ACSL6: variants seen among roughly 807,000 people sequenced by gnomAD.
ACSL6 encodes the protein acyl-CoA synthetase long chain family member 6.
In ACSL6, 47 loss-of-function variants were observed where a neutral mutation model predicts 98.2. The observed-to-expected ratio is 0.48, with a 90% CI of 0.38 to 0.61. ACSL6 has a LOEUF of 0.61. Among genes scored for constraint, ACSL6 ranks in the 20% least tolerant of loss-of-function variants. The pLI, the probability that ACSL6 is intolerant of heterozygous loss-of-function variation, is 0.00. For synonymous variants in ACSL6, 362 were observed against 336.9 expected, an observed-to-expected ratio of 1.07 and a Z score of -0.82; for missense variants, 761 against 913.4, an observed-to-expected ratio of 0.83 and a Z score of 2.15.
rs1752223414 is a variant in ACSL6, at chr5:131,952,923, C to T, written c.*1311G>A. 4.7e-6 allele frequency: 1 copy of T among 214,184 alleles called. No individual in the cohort carries two copies. The allele number at this position is 214,184 out of a possible 1,614,324, so 13.3% of individuals were successfully genotyped here. A position where few individuals can be genotyped will look rare whatever the true frequency, so the allele number is the denominator to read the frequency against. ...CCCTGGAAATAATGTCCCCTCCTTCCCACCTTCTGCCTTGATATTCTTACT... is the reference window on the plus strand; with the variant it reads ...CCCTGGAAATAATGTCCCCTCCTTCTCACCTTCTGCCTTGATATTCTTACT... On this transcript the variant is annotated 3_prime_UTR_variant, in exon 21 of 21. Transcript: ENST00000651883.
intron 17 of ACSL6, among the ~76,000 whole-genome samples, chr5:131,966,039 G>A (rs555246023): frequency 1.9e-4 from 29 of 152,172 alleles, no homozygotes; most frequent in Non-Finnish European, 3.2e-4. Flanking sequence ...TTTTGGCTGC[G>A]GGCCAGCATT....
intron 15 of ACSL6, among the ~76,000 whole-genome samples, chr5:131,969,787 A>G (rs1753205992): frequency 6.6e-6 from 1 of 152,132 alleles, no homozygotes; most frequent in African/African-American, 2.4e-5. Context: ...GGCAACCTCA[A>G]AAAGGAACAG....
In ACSL6 at chr5:131,959,731, C is replaced by G. The variant is rs943646012; in HGVS notation, c.1960-124G>C. 6 of 851,986 alleles carry G rather than the reference C, an allele frequency of 7.0e-6. No individual in the cohort carries two copies. In the East Asian group the frequency reaches 1.3e-4, roughly 18 times the overall value. 52.8% of individuals were successfully genotyped at this position (851,986 alleles called of 1,614,324 possible). A position where few individuals can be genotyped will look rare whatever the true frequency, so the allele number is the denominator to read the frequency against. On this transcript the variant is annotated intron_variant, in intron 19 of 20. Transcript: ENST00000651883. Reference sequence around the variant, plus strand: ...TGCCAACATGTGCTAACCCACAGCCCGCAACTGAGGCTGATACTCCCTGGC... The same window carrying G: ...TGCCAACATGTGCTAACCCACAGCCGGCAACTGAGGCTGATACTCCCTGGC...
chr5:131,996,515 A>C (rs1267384989), intron 1 of ACSL6, among the ~76,000 whole-genome samples: 1 of 152,194 alleles, frequency 6.6e-6, no homozygotes, highest in Non-Finnish European at 1.5e-5. Context: ...TGACTTAATG[A>C]TATGAGAAGC....
intron 1 of ACSL6, among the ~76,000 whole-genome samples, chr5:131,997,221 A>C (rs1157152102): frequency 3.3e-5 from 5 of 152,216 alleles, no homozygotes; most frequent in Non-Finnish European, 7.3e-5. Flanking sequence ...CTTTTCCTAC[A>C]CACTGTACTG....
At chr5:131,983,920 A>G (rs898904348) in intron 9 of ACSL6, 2 of 152,308 alleles carry the variant, frequency 1.3e-5, no homozygotes, top group East Asian at 3.8e-4. Context: ...TCCAAGGGCA[A>G]TGTCTGTGAC....
intron 19 of ACSL6, among the ~76,000 whole-genome samples, chr5:131,960,232 C>G (rs904181053): frequency 6.6e-6 from 1 of 152,028 alleles, no homozygotes; most frequent in Non-Finnish European, 1.5e-5. Flanking sequence ...CAAGTTACCC[C>G]CCTCCCTGGA....
chr5:131,974,645 C>T, intron 11 of ACSL6: 1 of 1,218,488 alleles, frequency 8.2e-7, no homozygotes, highest in South Asian at 1.4e-5. Flanking sequence ...CCCTATGGTA[C>T]CTTCTGAGGA....
At position 131,960,566 on chromosome 5, in the gene ACSL6, T is replaced by C; in HGVS notation, c.1913A>G (p.Gln638Arg). ...ATATGTTCCTTCAATTCCTCTCTTC[T>C]GGGCCCAGGAGGGCATAACTTCAGG... ...PDPEVMPSWA[Q>R]KRGIEGTYAD... is the part of the protein sequence containing the mutation. The change falls in exon 19 of 21, where the codon CAG (glutamine) becomes CGG (arginine). Residue 638 changes from glutamine to arginine, a missense_variant. Gln to Arg is a conservative substitution (Grantham distance 43). Coordinates refer to ENST00000651883, the MANE Select transcript of ACSL6 (RefSeq NM_001009185.3). The C allele has an allele frequency of 6.2e-7, 1 of 1,614,124 alleles. No homozygotes were observed. Among genetic ancestry groups the C allele is most frequent in the South Asian group, 1.1e-5 (1 of 91,070 alleles).
chr5:131,959,397 T>G, intron 20 of ACSL6, 139 bp downstream of exon 20: 1 of 862,058 alleles, frequency 1.2e-6, no homozygotes, highest in Non-Finnish European at 1.9e-6. Flanking sequence ...GAACAGGCCT[T>G]CAGGGGTCCA....
intron 8 of ACSL6, 118 bp downstream of exon 8, chr5:131,986,704 G>A: frequency 1.6e-6 from 2 of 1,279,322 alleles, no homozygotes; most frequent in Non-Finnish European, 2.3e-6. Context: ...TTCCTGGCTT[G>A]CACACAGGAG....
chr5:131,988,783 G>C, intron 6 of ACSL6, 22 bp downstream of exon 6: 1 of 1,610,564 alleles, frequency 6.2e-7, no homozygotes, highest in African/African-American at 1.3e-5. Context: ...CCAGTGGCAG[G>C]GTGGGGTGGC....
chr5:131,990,071 C>G (rs781656522), intron 4 of ACSL6, 29 bp downstream of exon 4: 1 of 1,610,934 alleles, frequency 6.2e-7, no homozygotes, highest in South Asian at 1.1e-5. Flanking sequence ...AATGGGTGGC[C>G]AGGGTGGGGC....
chr5:131,986,896 C>G, intron 7 of ACSL6, 42 bp from the exon 8 acceptor site: 1 of 1,607,870 alleles, frequency 6.2e-7, no homozygotes, highest in East Asian at 2.2e-5. Context: ...CAAAAGTTCT[C>G]TCTCTCTCTC....
intron 8 of ACSL6, among the ~76,000 whole-genome samples, chr5:131,986,404 G>A (rs971934390): frequency 1.3e-5 from 2 of 152,250 alleles, no homozygotes; most frequent in African/African-American, 2.4e-5. Context: ...ACATGGGGAT[G>A]ACGCACAGAA....
At chr5:132,006,251 G>T (rs1006542613) in intron 1 of ACSL6, 2 of 152,194 alleles carry the variant, frequency 1.3e-5, no homozygotes, top group Non-Finnish European at 2.9e-5. Context: ...TCTCAGAATA[G>T]ATAGCTCGGC....
chr5:131,993,742 T>A, intron 2 of ACSL6: 1 of 409,520 alleles, frequency 2.4e-6, no homozygotes. Flanking sequence ...GGCTTCCTAC[T>A]GCAATACCAA....
intron 1 of ACSL6, among the ~76,000 whole-genome samples, chr5:131,997,613 C>G (rs961221441): frequency 6.6e-6 from 1 of 152,226 alleles, no homozygotes; most frequent in East Asian, 1.9e-4. Flanking sequence ...GGGTGGGCTT[C>G]TTCCTGGCCT....
intron 7 of ACSL6, 72 bp from the exon 8 acceptor site, chr5:131,986,926 G>C: frequency 6.5e-7 from 1 of 1,540,564 alleles, no homozygotes; most frequent in Non-Finnish European, 8.9e-7. Context: ...CTCTGTCTCT[G>C]TCTCTTTCTC....
Sources: allele counts gnomAD v4.1 joint callset (sites outside exome capture counted in the v4.1 genomes callset), GRCh38; gene constraint gnomAD v4.1.1; transcripts MANE v1.5; gene names NCBI Gene and HGNC (gene_info 2026-07-23, HGNC 2026-07-21).